The following CALN1 variants were observed in gnomAD, a reference collection of about 807,000 sequenced individuals.
CALN1 encodes calcium-binding protein 8.
CALN1 carries 17 observed loss-of-function variants against 30.6 expected under a neutral mutation model. The ratio of observed to expected loss-of-function variants is 0.56; its 90% CI spans 0.38 to 0.83. The LOEUF is 0.83. Ranked by LOEUF, CALN1 falls within the 40% of genes least tolerant of loss-of-function variation. The probability of loss-of-function intolerance (pLI) is 0.00; values close to 1 mark genes in which losing one functional copy is unlikely to be tolerated. For synonymous variants in CALN1, 156 were observed against 131.4 expected (o/e 1.19, Z -1.28); for missense variants, 291 against 354.9 (o/e 0.82, Z 1.45).
intron 5 of CALN1, among the ~76,000 whole-genome samples, chr7:71,926,016 G>A (rs900903504): frequency 7.9e-5 from 12 of 152,150 alleles, no homozygotes; most frequent in Non-Finnish European, 1.3e-4. Context: ...GCCATGCCTG[G>A]CTAAGGTGGT....
At chr7:71,980,645 A>T (rs1471150421) in intron 5 of CALN1, among the ~76,000 whole-genome samples, 2 of 152,206 alleles carry the variant, frequency 1.3e-5, no homozygotes, top group African/African-American at 2.4e-5. Flanking sequence ...TGCTCTGAGC[A>T]CCACTTCCAC....
chr7:72,250,427 G>C (rs1376016457), intron 3 of CALN1, among the ~76,000 whole-genome samples: 2 of 152,204 alleles, frequency 1.3e-5, no homozygotes, highest in Non-Finnish European at 2.9e-5. Context: ...TGAGAGTGAT[G>C]TCAGGCACAT....
rs561510254 is a variant in CALN1, at chr7:72,032,031, G to A, written c.389-8262C>T. Among the ~76,000 whole-genome samples the A allele has an allele frequency of 1.4e-4, 21 of 146,158 alleles. No individual in the cohort carries two copies. In the South Asian group the frequency reaches 3.5e-3, roughly 24 times the overall value. ...CAAAGTGCTGGGATTACAGGCGTGA[G>A]CCACCACACCTGGCTCCTGGCTTTT... On this transcript the variant is annotated intron_variant, in intron 4 of 6. Coordinates refer to ENST00000395275, the MANE Select transcript of CALN1 (RefSeq NM_031468.4).
chr7:71,789,945 A>T lies in CALN1; in HGVS notation c.659-2043T>A, dbSNP rs936217926. Among the ~76,000 whole-genome samples, 11 of 151,938 alleles carry T rather than the reference A, an allele frequency of 7.2e-5. No individual in the cohort carries two copies. The East Asian group carries it at 7.8e-4, about 11-fold the overall frequency. ...ACCCTGTCCCTACAAAAAATAATAA[A>T]AAAAAAATTTAGCTGGGTGTCGTTG... On this transcript the variant is annotated intron_variant, in intron 6 of 6. Coordinates refer to ENST00000395275, the MANE Select transcript of CALN1 (RefSeq NM_031468.4).
At chr7:71,837,630 C>T (rs188693089) in intron 5 of CALN1, among the ~76,000 whole-genome samples, 15 of 152,218 alleles carry the variant, frequency 9.9e-5, no homozygotes, top group Middle Eastern at 3.4e-3. Context: ...ATCACCCTTC[C>T]TAAAGAAATA....
intron 2 of CALN1, among the ~76,000 whole-genome samples, chr7:72,378,112 C>CTT (rs1193163878): frequency 6.6e-6 from 1 of 152,184 alleles, no homozygotes; most frequent in Non-Finnish European, 1.5e-5. Flanking sequence ...TTTCAACTAA[C>CTT]AACCCCTGGT....
At chr7:72,167,073 A>T (rs1001628577) in intron 3 of CALN1, among the ~76,000 whole-genome samples, 21 of 152,192 alleles carry the variant, frequency 1.4e-4, no homozygotes, top group African/African-American at 4.6e-4. Flanking sequence ...ATACCAAGGC[A>T]AAAATAAAGC....
intron 2 of CALN1, among the ~76,000 whole-genome samples, chr7:72,308,362 T>TGGGGG (rs1231496884): frequency 4.5e-5 from 2 of 44,810 alleles, no homozygotes; most frequent in African/African-American, 3.3e-4. Context: ...AGATGCTGTC[T>TGGGGG]GTGGGGGGGG....
chr7:72,069,138 T>C (rs1278158644), intron 4 of CALN1, among the ~76,000 whole-genome samples: 2 of 152,126 alleles, frequency 1.3e-5, no homozygotes, highest in African/African-American at 4.8e-5. Flanking sequence ...CACTGCAAAG[T>C]GGCTGGAGAC....
chr7:72,270,614 A>T lies in CALN1; in HGVS notation c.244+8072T>A, dbSNP rs112025456. ...TAGTGACACCCCATCTCTAAAAAAA[A>T]TTTTTTTTTAATTTAGCAGGTGTGG... On this transcript the variant is annotated intron_variant, in intron 3 of 6. Transcript: ENST00000395275. 6.0e-3 allele frequency among the ~76,000 whole-genome samples: 911 copies of T among 151,588 alleles called. 7 individuals carry two copies. Among genetic ancestry groups the T allele is most frequent in the Non-Finnish European group, 9.0e-3 (610 of 67,864 alleles).
At chr7:72,148,794 A>G (rs1306060981) in intron 3 of CALN1, among the ~76,000 whole-genome samples, 1 of 151,988 alleles carries the variant, frequency 6.6e-6, no homozygotes, top group African/African-American at 2.4e-5. Context: ...AATCCCAGTT[A>G]CTCAGGAGGC....
intron 3 of CALN1, among the ~76,000 whole-genome samples, chr7:72,177,752 GAAAAAA>G (rs71517077): frequency 7.6e-6 from 1 of 132,148 alleles, no homozygotes; most frequent in Non-Finnish European, 1.6e-5. Context: ...GCGACAGAGG[GAAAAAA>G]AAAAAAAAAA....
At chr7:72,027,993 A>C (rs1801189681) in intron 4 of CALN1, among the ~76,000 whole-genome samples, 1 of 136,416 alleles carries the variant, frequency 7.3e-6, no homozygotes, top group Non-Finnish European at 1.5e-5. Context: ...CGGGAGGCGG[A>C]GCTTGCAGTG....
At chr7:72,081,215 G>T (rs896319924) in intron 4 of CALN1, among the ~76,000 whole-genome samples, 36 of 152,200 alleles carry the variant, frequency 2.4e-4, no homozygotes, top group African/African-American at 7.7e-4. Flanking sequence ...CTGTACCACA[G>T]AAACCAAAAG....
the CALN1 span, among the ~76,000 whole-genome samples, chr7:72,501,931 AT>A: frequency 8.5e-5 from 7 of 82,118 alleles, 2 homozygotes; most frequent in East Asian, 6.6e-4. Context: ...AAAAAAAAAT[AT>A]ATATATATAT....
At chr7:72,376,196 A>G (rs1014093830) in intron 2 of CALN1, among the ~76,000 whole-genome samples, 6 of 152,320 alleles carry the variant, frequency 3.9e-5, no homozygotes, top group Non-Finnish European at 7.4e-5. Flanking sequence ...TAATTCTGCT[A>G]CAAGCATTTA....
chr7:71,893,058 T>G (rs1321100517), intron 5 of CALN1, among the ~76,000 whole-genome samples: 2 of 152,226 alleles, frequency 1.3e-5, no homozygotes, highest in African/African-American at 4.8e-5. Flanking sequence ...TTCTTTCATT[T>G]TCTTTTCCTT....
intron 2 of CALN1, among the ~76,000 whole-genome samples, chr7:72,354,757 A>C (rs561653922): frequency 1.4e-4 from 22 of 152,318 alleles, no homozygotes; most frequent in South Asian, 4.1e-4. Context: ...GAAATAAATG[A>C]ACTTTGATAC....
At chr7:72,051,983 CTTG>C (rs1802864784) in intron 4 of CALN1, among the ~76,000 whole-genome samples, 1 of 152,160 alleles carries the variant, frequency 6.6e-6, no homozygotes, top group Non-Finnish European at 1.5e-5. Flanking sequence ...CCCAAGGATG[CTTG>C]TTATCATTTT....
Sources: allele counts gnomAD v4.1 joint callset (sites outside exome capture counted in the v4.1 genomes callset), GRCh38; gene constraint gnomAD v4.1.1; transcripts MANE v1.5; gene names NCBI Gene and HGNC (gene_info 2026-07-23, HGNC 2026-07-21).